The following CACNA2D3 variants were observed in gnomAD, a reference collection of about 807,000 sequenced individuals.
CACNA2D3 encodes voltage-dependent calcium channel subunit alpha-2/delta-3.
In CACNA2D3, 60 loss-of-function variants were observed where a neutral mutation model predicts 160.6. The observed-to-expected ratio is 0.37, with a 90% CI of 0.30 to 0.46. The LOEUF (loss-of-function observed/expected upper bound fraction) is 0.46, where lower values mean the gene tolerates loss of function less well. CACNA2D3 is among the 20% of genes least tolerant of loss of function. The pLI, the probability that CACNA2D3 is intolerant of heterozygous loss-of-function variation, is 1.00. For missense variants in CACNA2D3, 1,205 were observed against 1,365.0 expected, an observed-to-expected ratio of 0.88 and a Z score of 1.85; for synonymous variants, 558 against 492.9, an observed-to-expected ratio of 1.13 and a Z score of -1.75.
At chr3:54,564,564 C>T (rs935382854) in intron 6 of CACNA2D3, among the ~76,000 whole-genome samples, 1 of 152,196 alleles carries the variant, frequency 6.6e-6, no homozygotes, top group African/African-American at 2.4e-5. Flanking sequence ...AAAGAGTGAT[C>T]ATGAGCATTT....
chr3:54,944,744 G>C (rs1027861406), intron 27 of CACNA2D3, among the ~76,000 whole-genome samples: 1 of 152,052 alleles, frequency 6.6e-6, no homozygotes, highest in African/African-American at 2.4e-5. Context: ...TTTTATAGCA[G>C]CCTTTTCTTG....
intron 2 of CACNA2D3, among the ~76,000 whole-genome samples, chr3:54,291,466 A>C (rs1703202654): frequency 6.6e-6 from 1 of 152,156 alleles, no homozygotes; most frequent in African/African-American, 2.4e-5. Context: ...TGAAAGCGCA[A>C]ATCACAGTTC....
intron 2 of CACNA2D3, among the ~76,000 whole-genome samples, chr3:54,250,882 C>G (rs1194829286): frequency 6.6e-6 from 1 of 152,032 alleles, no homozygotes; most frequent in African/African-American, 2.4e-5. Flanking sequence ...AGGCAATATG[C>G]CAGACAGCAG....
chr3:54,505,390 T>C (rs915618221), intron 5 of CACNA2D3, among the ~76,000 whole-genome samples: 2 of 152,220 alleles, frequency 1.3e-5, no homozygotes, highest in Non-Finnish European at 2.9e-5. Flanking sequence ...TCTTTTTTTC[T>C]TTTTTCCTCT....
At chr3:54,754,248 C>G (rs965485904) in intron 12 of CACNA2D3, among the ~76,000 whole-genome samples, 9 of 152,192 alleles carry the variant, frequency 5.9e-5, no homozygotes, top group African/African-American at 2.2e-4. Context: ...CAAAGCATAG[C>G]AAGTTAATAG....
chr3:54,416,228 C>G (rs1362629910), intron 4 of CACNA2D3, among the ~76,000 whole-genome samples: 1 of 152,192 alleles, frequency 6.6e-6, no homozygotes, highest in African/African-American at 2.4e-5. Flanking sequence ...AAAATATTAA[C>G]TCCCAGGTCA....
chr3:54,203,427 T>C (rs1341613005), intron 2 of CACNA2D3, among the ~76,000 whole-genome samples: 1 of 152,184 alleles, frequency 6.6e-6, no homozygotes, highest in Non-Finnish European at 1.5e-5. Context: ...GGTGCTCCTT[T>C]AGTTTGTCAT....
At chr3:54,602,446 C>T (rs554191158) in intron 9 of CACNA2D3, among the ~76,000 whole-genome samples, 5 of 140,754 alleles carry the variant, frequency 3.6e-5, no homozygotes, top group Admixed American at 7.6e-5. Context: ...TGCAGTGAGC[C>T]GAGATCATGC....
chr3:54,886,715 G>A (rs917974382), intron 23 of CACNA2D3, among the ~76,000 whole-genome samples: 5 of 151,314 alleles, frequency 3.3e-5, no homozygotes, highest in Admixed American at 1.3e-4. Flanking sequence ...AAACTTTATG[G>A]TATATTGTAT....
intron 27 of CACNA2D3, among the ~76,000 whole-genome samples, chr3:54,965,569 GGAGCTTAGTACCCAGTGTA>G (rs1207052706): frequency 4.6e-5 from 7 of 152,162 alleles, no homozygotes; most frequent in African/African-American, 1.7e-4. Context: ...GGACGTGGAG[GGAGCTTAGTACCCAGTGTA>G]GAGCTTAGTA....
intron 17 of CACNA2D3, among the ~76,000 whole-genome samples, chr3:54,855,897 C>T (rs1232818916): frequency 6.6e-6 from 1 of 152,224 alleles, no homozygotes; most frequent in African/African-American, 2.4e-5. Flanking sequence ...CACAGTCTGA[C>T]ACCACCTCCT....
intron 2 of CACNA2D3, among the ~76,000 whole-genome samples, chr3:54,235,880 A>G (rs1701864155): frequency 6.6e-6 from 1 of 152,180 alleles, no homozygotes; most frequent in East Asian, 1.9e-4. Context: ...TTCAAAGAGT[A>G]CAGCATGGAA....
At chr3:54,928,277 C>A (rs897233726) in intron 27 of CACNA2D3, among the ~76,000 whole-genome samples, 1 of 152,148 alleles carries the variant, frequency 6.6e-6, no homozygotes, top group African/African-American at 2.4e-5. Flanking sequence ...TCAAACATGA[C>A]CCCAGTGCCT....
At chr3:54,455,968 T>C (rs552531289) in intron 4 of CACNA2D3, among the ~76,000 whole-genome samples, 1 of 152,092 alleles carries the variant, frequency 6.6e-6, no homozygotes, top group African/African-American at 2.4e-5. Context: ...TGTTATATTT[T>C]GAAGTCAGAT....
rs535135782 is a variant in CACNA2D3, at chr3:54,211,225, CT to C, written c.204+87638del. On this transcript the variant is annotated intron_variant, in intron 2 of 37. Transcript: ENST00000474759. ...ACTATACATGTTGCTACAAGCTTTGCTTTTTTTCCATTTAAGAATACATTTT... is the reference window on the plus strand; with the variant it reads ...ACTATACATGTTGCTACAAGCTTTGCTTTTTTCCATTTAAGAATACATTTT... Among the ~76,000 whole-genome samples the C allele has an allele frequency of 2.4e-3, 361 of 152,100 alleles. 1 individual carries two copies. Among genetic ancestry groups the C allele is most frequent in the African/African-American group, 8.4e-3 (347 of 41,494 alleles).
intron 9 of CACNA2D3, among the ~76,000 whole-genome samples, chr3:54,588,272 T>A (rs1345465328): frequency 6.6e-6 from 1 of 152,196 alleles, no homozygotes; most frequent in African/African-American, 2.4e-5. Flanking sequence ...TTTATAATTT[T>A]AAAAATACAA....
At chr3:54,988,791 C>T (rs1244802346) in intron 31 of CACNA2D3, among the ~76,000 whole-genome samples, 1 of 152,090 alleles carries the variant, frequency 6.6e-6, no homozygotes, top group Non-Finnish European at 1.5e-5. Context: ...AATTCCATAG[C>T]TTGTTTGTGC....
chr3:54,648,688 A>G (rs1699699697), intron 11 of CACNA2D3, among the ~76,000 whole-genome samples: 1 of 152,238 alleles, frequency 6.6e-6, no homozygotes, highest in Non-Finnish European at 1.5e-5. Context: ...AGAGGTGTAT[A>G]TGGCACGTGG....
intron 2 of CACNA2D3, among the ~76,000 whole-genome samples, chr3:54,216,882 T>A (rs757230341): frequency 6.6e-6 from 1 of 152,188 alleles, no homozygotes; most frequent in Non-Finnish European, 1.5e-5. Context: ...TGGGGCCAAG[T>A]TCAGCCAGGG....
Sources: allele counts gnomAD v4.1 joint callset (sites outside exome capture counted in the v4.1 genomes callset), GRCh38; gene constraint gnomAD v4.1.1; transcripts MANE v1.5; gene names NCBI Gene and HGNC (gene_info 2026-07-23, HGNC 2026-07-21).